The following PUM1 variants were observed in gnomAD, a reference collection of about 807,000 sequenced individuals.
PUM1 encodes pumilio RNA binding family member 1, also known as pumilio homolog 1.
A neutral mutation model predicts 131.8 loss-of-function variants in PUM1; 13 were observed. The observed-to-expected ratio is 0.10, with a 90% confidence interval of 0.06 to 0.16. PUM1 has a LOEUF of 0.16. PUM1 is among the 10% of genes least tolerant of loss of function. The probability of loss-of-function intolerance (pLI) is 1.00; values close to 1 mark genes in which losing one functional copy is unlikely to be tolerated. For missense variants in PUM1, 961 were observed against 1,512.4 expected (o/e 0.64, Z 6.05); for synonymous variants, 509 against 556.5 (o/e 0.91, Z 1.20).
At chr1:30,980,211 A>T (rs765429951) in intron 8 of PUM1, 48 bp from the exon 9 acceptor site, 1 of 1,440,660 alleles carries the variant, frequency 6.9e-7, no homozygotes, top group Non-Finnish European at 9.7e-7. Flanking sequence ...CTAAAACTGC[A>T]GCCCTATCAA....
intron 2 of PUM1, among the ~76,000 whole-genome samples, chr1:31,050,292 C>T (rs1046946032): frequency 6.6e-6 from 1 of 151,884 alleles, no homozygotes; most frequent in East Asian, 2.0e-4. Flanking sequence ...TAAAACCAGC[C>T]TGGACAACAT....
At chr1:30,983,938 A>C (rs1421124237) in intron 7 of PUM1, among the ~76,000 whole-genome samples, 1 of 152,096 alleles carries the variant, frequency 6.6e-6, no homozygotes, top group Non-Finnish European at 1.5e-5. Flanking sequence ...AAGTCATTTT[A>C]TGTATGTGTA....
intron 3 of PUM1, among the ~76,000 whole-genome samples, chr1:31,013,288 GAATAGGGATTTATC>G (rs1277036665): frequency 2.6e-5 from 4 of 152,106 alleles, no homozygotes; most frequent in Non-Finnish European, 5.9e-5. Context: ...ACTAATATTT[GAATAGGGATTTATC>G]AATGAGGTTT....
intron 7 of PUM1, among the ~76,000 whole-genome samples, chr1:30,990,608 G>C (rs1202425851): frequency 1.3e-5 from 2 of 151,698 alleles, no homozygotes; most frequent in Admixed American, 1.3e-4. Flanking sequence ...AGAGATTGAG[G>C]GTCTTAAAGA....
chr1:30,970,538 C>G (rs1640833793), intron 10 of PUM1, among the ~76,000 whole-genome samples: 1 of 152,122 alleles, frequency 6.6e-6, no homozygotes, highest in Middle Eastern at 3.2e-3. Context: ...TGTTTCTGAC[C>G]TAAAGAACCT....
chr1:31,016,078 C>A (rs1642808551), intron 3 of PUM1, among the ~76,000 whole-genome samples: 1 of 152,196 alleles, frequency 6.6e-6, no homozygotes, highest in African/African-American at 2.4e-5. Flanking sequence ...GGCTTAGCAT[C>A]CTTAATCCAA....
chr1:30,956,618 G>A (rs1356739140), intron 14 of PUM1, among the ~76,000 whole-genome samples: 1 of 152,166 alleles, frequency 6.6e-6, no homozygotes, highest in Non-Finnish European at 1.5e-5. Flanking sequence ...GTCTGAGGCT[G>A]GGGAGAAATG....
chr1:31,057,985 T>A (rs987320989), intron 2 of PUM1, among the ~76,000 whole-genome samples: 2 of 152,170 alleles, frequency 1.3e-5, no homozygotes, highest in African/African-American at 4.8e-5. Flanking sequence ...TTGGTCATTA[T>A]CAAGAAATCA....
intron 20 of PUM1, among the ~76,000 whole-genome samples, chr1:30,938,011 A>G (rs1259606102): frequency 6.6e-6 from 1 of 152,006 alleles, no homozygotes; most frequent in African/African-American, 2.4e-5. Context: ...ACCTCAAGCA[A>G]TCTGCCCGCC....
chr1:30,974,520 G>T, intron 10 of PUM1, 131 bp downstream of exon 10: 1 of 882,850 alleles, frequency 1.1e-6, no homozygotes, highest in South Asian at 1.9e-5. Context: ...CCTGAACTCA[G>T]ACACACATAT....
chr1:31,010,128 G>T lies in PUM1; in HGVS notation c.433-3026C>A, dbSNP rs563868896. Among the ~76,000 whole-genome samples the T allele has an allele frequency of 5.7e-4, 86 of 151,668 alleles. 1 individual carries two copies. The highest frequency in any genetic ancestry group is 5.0e-3 in the South Asian group (24 of 4,784). ...TTTTGCCACTATGGCAAAAAAAAAA[G>T]AAAGCAAAAGACTGAACCAAGGTGC... On this transcript the variant is annotated intron_variant, in intron 3 of 21. Transcript: ENST00000426105.
chr1:30,935,756 T>C (rs994085557), intron 21 of PUM1: 2 of 436,982 alleles, frequency 4.6e-6, no homozygotes, highest in Non-Finnish European at 9.2e-6. Context: ...TGAGGGCAAG[T>C]GGGTCATCAT....
chr1:30,981,385 C>T lies in PUM1; in HGVS notation c.1179G>A (p.Ala393=), dbSNP rs766400845. The T allele has an allele frequency of 1.4e-5, 23 of 1,601,618 alleles. No homozygotes were observed. The African/African-American group carries it at 1.7e-4, about 12-fold the overall frequency. The change falls in exon 8 of 22, where the codon GCG becomes GCA. Residue 393 remains alanine, a synonymous_variant. Coordinates refer to ENST00000426105, the MANE Select transcript of PUM1 (RefSeq NM_001020658.2). ...CAGCTGTCAACTGCTGGACAGCAAGCGCATTAGGTCTTTGGAACAGCTGAG... is the reference window on the plus strand; with the variant it reads ...CAGCTGTCAACTGCTGGACAGCAAGTGCATTAGGTCTTTGGAACAGCTGAG... ...SQQQLFQRPN[A]LAVQQLTAAQ...
chr1:31,014,028 A>T (rs548075335), intron 3 of PUM1, among the ~76,000 whole-genome samples: 98 of 152,324 alleles, frequency 6.4e-4, no homozygotes, highest in African/African-American at 2.3e-3. Context: ...ACAGCCAGGT[A>T]TGATGGCTGA....
At chr1:30,957,084 T>TCACACA (rs1300737379) in intron 14 of PUM1, among the ~76,000 whole-genome samples, 2 of 50,608 alleles carry the variant, frequency 4.0e-5, no homozygotes, top group African/African-American at 1.2e-4. Context: ...ACAAGGACAT[T>TCACACA]CATACACACA....
chr1:30,966,724 C>T (rs1451693689), intron 12 of PUM1, among the ~76,000 whole-genome samples: 1 of 152,178 alleles, frequency 6.6e-6, no homozygotes, highest in Non-Finnish European at 1.5e-5. Flanking sequence ...AATATAAACA[C>T]TTAAAGTAAA....
At chr1:30,993,353 A>C (rs1279452463) in intron 6 of PUM1, among the ~76,000 whole-genome samples, 3 of 151,802 alleles carry the variant, frequency 2.0e-5, no homozygotes, top group African/African-American at 7.3e-5. Flanking sequence ...AAAAAAAAAA[A>C]AAAAAAACAG....
chr1:30,935,796 T>C (rs541555941), intron 21 of PUM1: 62 of 401,724 alleles, frequency 1.5e-4, no homozygotes, highest in African/African-American at 1.1e-3. Context: ...AACCCCTCAA[T>C]TGAGAAGGGC....
At chr1:31,039,212 CAAAAA>C (rs34454596) in intron 2 of PUM1, among the ~76,000 whole-genome samples, 1 of 137,696 alleles carries the variant, frequency 7.3e-6, no homozygotes, top group East Asian at 2.1e-4. Flanking sequence ...CCCACGCTAA[CAAAAA>C]AAAAATTTTT....
Sources: gnomAD v4.1 joint callset for allele counts (sites outside exome capture counted in the v4.1 genomes callset) on GRCh38, gnomAD v4.1.1 for gene constraint, MANE v1.5 for transcripts, NCBI Gene and HGNC (gene_info 2026-07-23, HGNC 2026-07-21) for gene names.